Variants in SMARCA4 observed in about 807,000 individuals in gnomAD.
SMARCA4 encodes SWI/SNF-related matrix-associated actin-dependent regulator of chromatin subfamily A member 4.
Under a neutral mutation model 193.9 loss-of-function variants are expected in SMARCA4, and 31 were observed. The ratio of observed to expected loss-of-function variants is 0.16; its 90% confidence interval spans 0.12 to 0.22. SMARCA4 has a LOEUF of 0.22. SMARCA4 is among the 10% of genes least tolerant of loss of function. The pLI, the probability that SMARCA4 is intolerant of heterozygous loss-of-function variation, is 1.00. For missense variants in SMARCA4, 1,148 were observed against 2,296.0 expected (o/e 0.50, Z 10.22); for synonymous variants, 942 against 933.1 (o/e 1.01, Z -0.17).
chr19:11,018,807 C>T (rs1410319092), intron 16 of SMARCA4, 150 bp from the exon 17 acceptor site: 1 of 773,730 alleles, frequency 1.3e-6, no homozygotes, highest in Non-Finnish European at 2.4e-6. Context: ...TCCTCCCTCC[C>T]TCCCTCAGCT....
chr19:10,974,133 A>C (rs1265287406), intron 1 of SMARCA4, among the ~76,000 whole-genome samples: 1 of 152,200 alleles, frequency 6.6e-6, no homozygotes, highest in Admixed American at 6.5e-5. Context: ...AACAACCACC[A>C]TAATTCCAAC....
Position 10,994,917 on chromosome 19 carries a change from A to G in SMARCA4, c.1509A>G (p.Ala503=), listed in dbSNP as rs17001075. The G allele has an allele frequency of 0.037, 59,197 of 1,614,068 alleles. 1,380 individuals are homozygous for G. Among genetic ancestry groups the G allele is most frequent in the Non-Finnish European group, 0.044 (51,929 of 1,179,900 alleles). The change falls in exon 9 of 35, where the codon GCA becomes GCG. Residue 503 remains alanine, a synonymous_variant. Transcript: ENST00000344626. ...VTGKIQKLTK[A]VATYHANTER... ...GCAAAATCCAGAAGCTGACCAAGGC[A>G]GTGGCCACGTACCATGCCAACACGG...
In SMARCA4 at chr19:11,058,971, T is replaced by C. The variant is rs2076702835; in HGVS notation, c.4635+82T>C. The C allele has an allele frequency of 9.0e-7, 1 of 1,115,902 alleles. No individual in the cohort carries two copies. Among genetic ancestry groups the C allele is most frequent in the South Asian group, 1.3e-5 (1 of 79,270 alleles). 69.1% of individuals were successfully genotyped at this position (1,115,902 alleles called of 1,614,324 possible). ...AACCCGCCCCTCCTTCCCTTCTGAA[T>C]TGATGGGTTAAAAACAAGTCCCGCT... On this transcript the variant is annotated intron_variant, in intron 32 of 34. Transcript: ENST00000344626. The surrounding 1 kb of genome is among the most constrained non-coding windows in gnomAD (Gnocchi z 5.8).
chr19:11,004,296 A>C lies in SMARCA4; in HGVS notation c.2001+899A>C, dbSNP rs1274680780. Among the ~76,000 whole-genome samples, 8 of 141,566 alleles carry C rather than the reference A, an allele frequency of 5.7e-5. No individual in the cohort carries two copies. The Admixed American group carries it at 5.7e-4, about 10-fold the overall frequency. The allele number at this position is 141,566 out of a possible 152,430, so 92.9% of individuals were successfully genotyped here. On this transcript the variant is annotated intron_variant, in intron 13 of 34. Transcript: ENST00000344626. ...ACAGAGTCTCACTCTATAGCCCAGG[A>C]TGGAGTGCAGTGGCGCGATCTCGCT...
intron 1 of SMARCA4, chr19:10,965,289 G>A (rs1479866728): frequency 6.6e-6 from 1 of 152,134 alleles, no homozygotes. Flanking sequence ...TGCAAAGGGG[G>A]ACAGTACTAG....
intron 24 of SMARCA4, among the ~76,000 whole-genome samples, chr19:11,029,201 C>A (rs369899188): frequency 6.6e-6 from 1 of 152,234 alleles, no homozygotes; most frequent in Non-Finnish European, 1.5e-5. Flanking sequence ...GGCCACCCCC[C>A]ACCCTTTCCT....
Position 11,033,660 on chromosome 19 carries a change from G to C in SMARCA4, c.3775-107G>C. On this transcript the variant is annotated intron_variant, in intron 26 of 34. Transcript: ENST00000344626. This position sits in a 1 kb window ranked among gnomAD's most constrained non-coding sequence, Gnocchi z 9.8. Reference sequence around the variant, plus strand: ...AAAGGGAGTGTGGGCTGAACGGAAAGAGGATGAGTACTTGCTTTTTCTTTG... The same window carrying C: ...AAAGGGAGTGTGGGCTGAACGGAAACAGGATGAGTACTTGCTTTTTCTTTG... 1 of 777,018 alleles carries C rather than the reference G, an allele frequency of 1.3e-6. No individual in the cohort carries two copies. Among genetic ancestry groups the C allele is most frequent in the Middle Eastern group, 2.3e-4 (1 of 4,412 alleles). 48.1% of individuals were successfully genotyped at this position (777,018 alleles called of 1,614,324 possible). A position where few individuals can be genotyped will look rare whatever the true frequency, so the allele number is the denominator to read the frequency against.
intron 1 of SMARCA4, among the ~76,000 whole-genome samples, chr19:10,978,756 C>T (rs1440763821): frequency 6.6e-6 from 1 of 151,262 alleles, no homozygotes; most frequent in Non-Finnish European, 1.5e-5. Flanking sequence ...ATGGCGAAAC[C>T]CCGTCTCTAC....
chr19:11,035,249 C>G, intron 29 of SMARCA4, 117 bp downstream of exon 29: 1 of 954,840 alleles, frequency 1.0e-6, no homozygotes, highest in East Asian at 2.6e-5. Flanking sequence ...TTGGGCCACT[C>G]CTGGCCAGGC....
In SMARCA4 at chr19:11,034,045, G is replaced by A. The variant is rs867352489; in HGVS notation, c.3874-78G>A. The A allele has an allele frequency of 1.8e-6, 2 of 1,106,246 alleles. No homozygotes were observed. The highest frequency in any genetic ancestry group is 2.8e-6 in the Non-Finnish European group (2 of 719,734). 68.5% of individuals were successfully genotyped at this position (1,106,246 alleles called of 1,614,324 possible). ...GGACCACCAGCTCATTCCCACGGACGCCGCCGCTCGCCTCTGAGCTCGGCC... is the reference window on the plus strand; with the variant it reads ...GGACCACCAGCTCATTCCCACGGACACCGCCGCTCGCCTCTGAGCTCGGCC... On this transcript the variant is annotated intron_variant, in intron 27 of 34. Transcript: ENST00000344626. The surrounding 1 kb of genome is among the most constrained non-coding windows in gnomAD (Gnocchi z 7.0).
rs373858447 is a variant in SMARCA4 at position 11,059,880 on chromosome 19, C to T, written c.4763C>T (p.Ser1588Phe). The change falls in exon 33 of 35, where the codon TCC becomes TTC. Residue 1588 changes from serine to phenylalanine, a missense_variant. Physicochemically the swap from Ser to Phe is radical, Grantham distance 155 (BLOSUM62 -2). This residue lies in a region of SMARCA4 where 105 missense variants were observed against 133.7 expected (regional missense o/e 0.79). Transcript: ENST00000344626. ...EEEGEEEGSE[S>F]ESRSVKVKIK... is the part of the protein sequence containing the mutation. ...GAGGGCGAGGAGGAAGGCTCCGAATCCGAATGTGAGTCCCGGGGGGGTTCA... is the reference window on the plus strand; with the variant it reads ...GAGGGCGAGGAGGAAGGCTCCGAATTCGAATGTGAGTCCCGGGGGGGTTCA... 149 of 1,613,822 alleles carry T rather than the reference C, an allele frequency of 9.2e-5. No individual in the cohort carries two copies. Among genetic ancestry groups the T allele is most frequent in the Non-Finnish European group, 1.2e-4 (139 of 1,180,018 alleles).
chr19:11,045,194 C>T (rs530304293), intron 30 of SMARCA4, among the ~76,000 whole-genome samples: 1 of 152,254 alleles, frequency 6.6e-6, no homozygotes, highest in African/African-American at 2.4e-5. Context: ...GTGGTGGGCG[C>T]CTGTAGTCCC....
Position 10,965,722 on chromosome 19 carries a change from G to C in SMARCA4, c.-32+4548G>C, listed in dbSNP as rs138196089. Among the ~76,000 whole-genome samples, 55 of 152,222 alleles carry C rather than the reference G, an allele frequency of 3.6e-4. 1 individual carries two copies. The highest frequency in any genetic ancestry group is 1.3e-3 in the African/African-American group (54 of 41,526). ...ACAGCATGTCACTGTACCGATTATT[G>C]TAGGCAGTTGTGACCCGATAGTATT... On this transcript the variant is annotated intron_variant, in intron 1 of 34. Transcript: ENST00000344626.
chr19:11,022,196 G>A (rs1044475036), intron 19 of SMARCA4, among the ~76,000 whole-genome samples: 2 of 152,222 alleles, frequency 1.3e-5, no homozygotes, highest in South Asian at 2.1e-4. Flanking sequence ...TGCTCGGGGC[G>A]TCTCTGACCC....
In SMARCA4 at chr19:11,058,729, G is replaced by C; in HGVS notation, c.4534-59G>C. The C allele has an allele frequency of 1.4e-6, 2 of 1,438,390 alleles. No individual in the cohort carries two copies. The highest frequency in any genetic ancestry group is 2.0e-6 in the Non-Finnish European group (2 of 1,021,484). 89.1% of individuals were successfully genotyped at this position (1,438,390 alleles called of 1,614,324 possible). A position where few individuals can be genotyped will look rare whatever the true frequency, so the allele number is the denominator to read the frequency against. ...CGTGGGGTCTCCAGCACACAGCCAG[G>C]CCTGCGGGCAGGCGAGGCGGGGTCC... On this transcript the variant is annotated intron_variant, in intron 31 of 34. Transcript: ENST00000344626. This position sits in a 1 kb window ranked among gnomAD's most constrained non-coding sequence, Gnocchi z 5.8.
At chr19:11,011,090 G>A (rs2088794108) in intron 15 of SMARCA4, 1 of 204,006 alleles carries the variant, frequency 4.9e-6, no homozygotes, top group Non-Finnish European at 1.0e-5. Context: ...CCTGACTTGG[G>A]ACAGTCACGA....
chr19:10,996,117 G>A (rs2087016448), intron 9 of SMARCA4, 96 bp from the exon 10 acceptor site: 7 of 1,244,946 alleles, frequency 5.6e-6, no homozygotes, highest in East Asian at 4.6e-5. Flanking sequence ...CGTGAGCTAC[G>A]CGTGCCCTCA....
chr19:11,020,183 C>T (rs1331586136), intron 18 of SMARCA4, among the ~76,000 whole-genome samples: 3 of 152,148 alleles, frequency 2.0e-5, no homozygotes, highest in Admixed American at 6.5e-5. Flanking sequence ...GCAGCTGGTT[C>T]GGGCTGTTCT....
In SMARCA4 at chr19:11,030,700, G is replaced by A. The variant is rs752821919; in HGVS notation, c.3383-30G>A. 8.1e-6 allele frequency: 13 copies of A among 1,602,360 alleles called. No homozygotes were observed. Among genetic ancestry groups the A allele is most frequent in the South Asian group, 3.4e-5 (3 of 89,314 alleles). ...CCCACTCTACCCCTGAGGTCACCCCGCTGACCCTGTTCTCCTCTGTGCCCG... is the reference window on the plus strand; with the variant it reads ...CCCACTCTACCCCTGAGGTCACCCCACTGACCCTGTTCTCCTCTGTGCCCG... On this transcript the variant is annotated intron_variant, in intron 24 of 34. Transcript: ENST00000344626. This position sits in a 1 kb window ranked among gnomAD's most constrained non-coding sequence, Gnocchi z 5.5.
Sources: allele counts gnomAD v4.1 joint callset (sites outside exome capture counted in the v4.1 genomes callset), GRCh38; gene constraint gnomAD v4.1.1; regional missense constraint gnomAD v4.1.1; non-coding constraint Gnocchi (gnomAD v3.1); transcripts MANE v1.5; gene names NCBI Gene and HGNC (gene_info 2026-07-23, HGNC 2026-07-21).